SETX: variants seen among roughly 807,000 people sequenced by gnomAD.
SETX encodes the protein senataxin, also known as helicase senataxin.
A neutral mutation model predicts 227.2 loss-of-function variants in SETX; 90 were observed. The ratio of observed to expected loss-of-function variants is 0.40; its 90% confidence interval spans 0.33 to 0.47. The LOEUF is 0.47. Ranked by LOEUF, SETX falls within the 20% of genes least tolerant of loss-of-function variation. The probability of loss-of-function intolerance (pLI) is 0.91; values close to 1 mark genes in which losing one functional copy is unlikely to be tolerated. For synonymous variants in SETX, 1,210 were observed against 1,113.2 expected (o/e 1.09, Z -1.73); for missense variants, 3,052 against 3,181.5 (o/e 0.96, Z 0.98).
At chr9:132,304,057 T>C (rs888718719) in intron 11 of SETX, among the ~76,000 whole-genome samples, 1 of 151,650 alleles carries the variant, frequency 6.6e-6, no homozygotes. Context: ...GAGGCGGAGG[T>C]TGCAGCCACT....
In SETX at chr9:132,326,456, CA is replaced by C; in HGVS notation, c.5141del (p.Leu1714Ter). Reference sequence around the variant, plus strand: ...CAGGGGGCCCACACTGACCAAAGTTCAAAAACATTTCATATTTCCATTTTAA... The same window carrying C: ...CAGGGGGCCCACACTGACCAAAGTTCAAAACATTTCATATTTCCATTTTAA... ...EVLKWKYEMF[L>X]NFGQCGPPAS... On this transcript the variant is annotated frameshift_variant, in exon 10 of 26. Transcript: ENST00000224140. LOFTEE classifies it high-confidence loss of function. 6.2e-7 allele frequency: 1 copy of C among 1,614,112 alleles called. No homozygotes were observed. Among genetic ancestry groups the C allele is most frequent in the Non-Finnish European group, 8.5e-7 (1 of 1,180,002 alleles).
At chr9:132,344,028 C>G (rs1002711780) in intron 4 of SETX, among the ~76,000 whole-genome samples, 3 of 152,142 alleles carry the variant, frequency 2.0e-5, no homozygotes, top group African/African-American at 7.2e-5. Flanking sequence ...GGGTTTGGTT[C>G]CAGGATACCA....
intron 4 of SETX, 42 bp downstream of exon 4, chr9:132,346,215 AAAAT>A: frequency 6.7e-7 from 1 of 1,486,100 alleles, no homozygotes; most frequent in Non-Finnish European, 9.4e-7. Context: ...TTATGGTACT[AAAAT>A]AATAAAACTG....
intron 10 of SETX, among the ~76,000 whole-genome samples, chr9:132,324,084 T>C (rs1846551114): frequency 6.6e-6 from 1 of 152,146 alleles, no homozygotes; most frequent in Non-Finnish European, 1.5e-5. Context: ...ATTCTGTTTT[T>C]AAAAAGCTGA....
rs765189553 is a variant in SETX at position 132,329,674 on chromosome 9, T to C, written c.1924A>G (p.Ser642Gly). ...RKDMHCLEAS[S>G]PTFSKEPMKV... ...ATTGGTTCTTTAGAAAATGTTGGGC[T>C]GGAAGCTTCCAAACAATGCATATCT... Residue 642 changes from serine to glycine, a missense_variant, in exon 10 of 26, where the codon AGC becomes GGC. By Grantham distance (56) the Ser-to-Gly change is moderately conservative (BLOSUM62 0). This residue lies in a region of SETX where 1,483 missense variants were observed against 1,312.0 expected (regional missense o/e 1.13). Coordinates refer to ENST00000224140, the MANE Select transcript of SETX (RefSeq NM_015046.7). 6.2e-7 allele frequency: 1 copy of C among 1,613,954 alleles called. No individual in the cohort carries two copies. Among genetic ancestry groups the C allele is most frequent in the South Asian group, 1.1e-5 (1 of 91,024 alleles).
intron 1 of SETX, among the ~76,000 whole-genome samples, chr9:132,354,516 A>G (rs1848791966): frequency 6.6e-6 from 1 of 151,670 alleles, no homozygotes; most frequent in African/African-American, 2.4e-5. Context: ...AAAAAAGAAA[A>G]AAGAAAAAAA....
At chr9:132,271,918 T>C (rs1485504696) in intron 23 of SETX, 110 bp from the exon 24 acceptor site, 6 of 880,234 alleles carry the variant, frequency 6.8e-6, no homozygotes, top group East Asian at 3.0e-5. Context: ...AGTCTCACTC[T>C]GTCGCCCAGG....
In SETX at chr9:132,346,441, T is replaced by C. The variant is rs747469176; in HGVS notation, c.208A>G (p.Ile70Val). Residue 70 changes from isoleucine to valine, a missense_variant, in exon 4 of 26, where the codon ATA (isoleucine) becomes GTA (valine). Transcript: ENST00000224140. ...VLWELETLRL[I>V]NHFEKSMKAE... ...TTCATGGATTTTTCAAAGTGATTTA[T>C]GAGACGTAAGGTTTCTAATTCCCAT... 77 of 1,613,236 alleles carry C rather than the reference T, an allele frequency of 4.8e-5. 1 individual carries two copies. The highest frequency in any genetic ancestry group is 3.3e-4 in the Middle Eastern group (2 of 6,008).
chr9:132,286,965 T>C (rs1339798567), intron 17 of SETX, among the ~76,000 whole-genome samples: 1 of 152,232 alleles, frequency 6.6e-6, no homozygotes, highest in East Asian at 1.9e-4. Flanking sequence ...AAAGCTGAGA[T>C]GGTGGAAGCC....
At chr9:132,316,977 G>C (rs570116374) in intron 10 of SETX, among the ~76,000 whole-genome samples, 1 of 152,262 alleles carries the variant, frequency 6.6e-6, no homozygotes, top group Admixed American at 6.5e-5. Flanking sequence ...AAACAATCCT[G>C]CTGGGATTTT....
intron 11 of SETX, among the ~76,000 whole-genome samples, chr9:132,307,259 A>C (rs1176989526): frequency 6.6e-6 from 1 of 151,880 alleles, no homozygotes; most frequent in African/African-American, 2.4e-5. Flanking sequence ...GTCTCAAAAA[A>C]ATAATAATAA....
Position 132,346,436 on chromosome 9 carries a change from A to G in SETX, c.213T>C (p.Asn71=). Residue 71 remains asparagine, a synonymous_variant, in exon 4 of 26, where the codon AAT becomes AAC. Transcript: ENST00000224140. Reference sequence around the variant, plus strand: ...CTGCCTTCATGGATTTTTCAAAGTGATTTATGAGACGTAAGGTTTCTAATT... The same window carrying G: ...CTGCCTTCATGGATTTTTCAAAGTGGTTTATGAGACGTAAGGTTTCTAATT... ...LWELETLRLI[N]HFEKSMKAEI... The G allele has an allele frequency of 6.2e-7, 1 of 1,613,472 alleles. No individual in the cohort carries two copies. Among genetic ancestry groups the G allele is most frequent in the Non-Finnish European group, 8.5e-7 (1 of 1,179,598 alleles).
Position 132,277,433 on chromosome 9 carries a change from C to G in SETX, c.6843-281G>C, listed in dbSNP as rs546298391. Among the ~76,000 whole-genome samples the G allele has an allele frequency of 9.2e-5, 14 of 152,168 alleles. No individual in the cohort carries two copies. In the South Asian group the frequency reaches 2.9e-3, roughly 32 times the overall value. Reference sequence around the variant, plus strand: ...CAGAATACTATGTTAAGTATGGTCCCACATTTTTCCTTCAAAAATTTAAAA... The same window carrying G: ...CAGAATACTATGTTAAGTATGGTCCGACATTTTTCCTTCAAAAATTTAAAA... On this transcript the variant is annotated intron_variant, in intron 21 of 25. Coordinates refer to ENST00000224140, the MANE Select transcript of SETX (RefSeq NM_015046.7).
At position 132,288,558 on chromosome 9, in the gene SETX, TG is replaced by T. The variant is rs778570342; in HGVS notation, c.6199del (p.His2067ThrfsTer3). The T allele has an allele frequency of 6.2e-7, 1 of 1,611,164 alleles. No homozygotes were observed. The highest frequency in any genetic ancestry group is 1.7e-5 in the Admixed American group (1 of 60,026). On this transcript the variant is annotated frameshift_variant, in exon 16 of 26. Transcript: ENST00000224140. LOFTEE classifies it high-confidence loss of function. ...CCACATTCAGTACTTACTCATTCTG[TG>T]GTTTACTTGGCTGTCCAAACTGAAC... ...LKFSLDSQVNHRMKKELPSHV... is the reference protein window; with the variant it reads ...LKFSLDSQVNXRMKKELPSHV...
chr9:132,269,635 C>T lies in SETX; in HGVS notation c.7267G>A (p.Gly2423Arg), dbSNP rs1842800794. The change falls in exon 25 of 26, where the codon GGA (glycine) becomes AGA (arginine). Residue 2423 changes from glycine (G) to arginine (R), a missense_variant. This residue lies in a region of SETX where 412 missense variants were observed against 589.0 expected (regional missense o/e 0.70). Coordinates refer to ENST00000224140, the MANE Select transcript of SETX (RefSeq NM_015046.7). ...TRAKYSLFIL[G>R]HLRTLMENQH... ...CCTACCATCAGGGTCCTCAAATGTC[C>T]GAGGATGAAGAGGCTGTACTTGGCT... 6.2e-7 allele frequency: 1 copy of T among 1,614,142 alleles called. No homozygotes were observed. Among genetic ancestry groups the T allele is most frequent in the Non-Finnish European group, 8.5e-7 (1 of 1,179,996 alleles).
At chr9:132,332,197 T>C (rs1481366467) in intron 7 of SETX, among the ~76,000 whole-genome samples, 1 of 151,904 alleles carries the variant, frequency 6.6e-6, no homozygotes, top group Non-Finnish European at 1.5e-5. Context: ...TACTGTTTAT[T>C]TCCATTTTTA....
intron 11 of SETX, among the ~76,000 whole-genome samples, chr9:132,309,751 AGGTGG>A (rs1190336244): frequency 6.6e-6 from 1 of 152,104 alleles, no homozygotes; most frequent in Non-Finnish European, 1.5e-5. Flanking sequence ...TACATGGGGT[AGGTGG>A]ATCTGCGAGC....
chr9:132,345,521 G>C (rs1848237294), intron 4 of SETX, among the ~76,000 whole-genome samples: 1 of 152,170 alleles, frequency 6.6e-6, no homozygotes, highest in African/African-American at 2.4e-5. Flanking sequence ...TGCTCTGCCT[G>C]CCTCAGCCTC....
intron 10 of SETX, among the ~76,000 whole-genome samples, chr9:132,315,250 A>C (rs1429311264): frequency 6.6e-6 from 1 of 152,150 alleles, no homozygotes; most frequent in Non-Finnish European, 1.5e-5. Context: ...CAGCTGTTTC[A>C]CTGGGGAAAA....
Sources: gnomAD v4.1 joint callset for allele counts (sites outside exome capture counted in the v4.1 genomes callset) on GRCh38, gnomAD v4.1.1 for gene constraint, gnomAD v4.1.1 regional missense constraint, MANE v1.5 for transcripts, NCBI Gene and HGNC (gene_info 2026-07-23, HGNC 2026-07-21) for gene names.